NOMO3: variants seen among roughly 807,000 people sequenced by gnomAD.
NOMO3 encodes NODAL modulator 3, also known as BOS complex subunit NOMO3.
Under a neutral mutation model 69.9 loss-of-function variants are expected in NOMO3, and 15 were observed. The observed-to-expected ratio is 0.21, with a 90% CI of 0.14 to 0.33. The LOEUF (loss-of-function observed/expected upper bound fraction) is 0.33. Ranked by LOEUF, NOMO3 falls within the 10% of genes least tolerant of loss-of-function variation. NOMO3 has a pLI of 1.00. For missense variants in NOMO3, 218 were observed against 761.0 expected (o/e 0.29, Z 8.39); for synonymous variants, 89 against 301.9 (o/e 0.29, Z 7.31).
At chr16:16,244,339 G>T (rs1346366841) in intron 4 of NOMO3, among the ~76,000 whole-genome samples, 1 of 129,390 alleles carries the variant, frequency 7.7e-6, no homozygotes, top group Non-Finnish European at 1.6e-5. Context: ...TTTTGAGACA[G>T]AGTCTCGCTC....
rs1454496991 is a variant in NOMO3, at chr16:16,243,076, C to T, written c.302-85C>T. 6.3e-5 allele frequency: 47 copies of T among 744,474 alleles called. 3 individuals carry two copies. Among genetic ancestry groups the T allele is most frequent in the Admixed American group, 4.4e-4 (14 of 31,624 alleles). 46.1% of individuals were successfully genotyped at this position (744,474 alleles called of 1,614,324 possible). On this transcript the variant is annotated intron_variant, in intron 3 of 30. Transcript: ENST00000399336. ...AAATGAAACCTGAATAATAAAAATA[C>T]GTTCTACTTAGGTTCACTGTACCCC...
intron 8 of NOMO3, among the ~76,000 whole-genome samples, 164 bp from the exon 9 acceptor site, chr16:16,252,269 C>T (rs1234326526): frequency 7.0e-6 from 1 of 143,394 alleles, no homozygotes; most frequent in Admixed American, 6.7e-5. Flanking sequence ...GTAATAGCTA[C>T]AAAAAGGGCA....
At position 16,267,432 on chromosome 16, in the gene NOMO3, T is replaced by G. The variant is rs1166014456; in HGVS notation, c.1894+301T>G. On this transcript the variant is annotated intron_variant, in intron 16 of 30. Transcript: ENST00000399336. ...AGTGGCTTCTCGCTCTTTCTCATTT[T>G]TTTTTTCTCTTTCTTTTTTTGAGAT... 3 of 421,380 alleles carry G rather than the reference T, an allele frequency of 7.1e-6. No individual in the cohort carries two copies. In the African/African-American group the frequency reaches 7.4e-5, roughly 10 times the overall value. 26.1% of individuals were successfully genotyped at this position (421,380 alleles called of 1,614,324 possible). A position where few individuals can be genotyped will look rare whatever the true frequency, so the allele number is the denominator to read the frequency against.
chr16:16,256,146 T>C lies in NOMO3; in HGVS notation c.1208T>C (p.Ile403Thr), dbSNP rs368868365. Residue 403 changes from isoleucine to threonine, a missense_variant, in exon 11 of 31, where the codon ATT becomes ACT. Transcript: ENST00000399336. ...CCAAACACACCTCAGCTGGCTGACA[T>C]TGTTGCAACAGGGTAAGCTTATCGT... ...IAPNTPQLAD[I>T]VATGFSVCGQ... 9.6e-5 allele frequency: 152 copies of C among 1,587,928 alleles called. 6 individuals are homozygous for C. Among genetic ancestry groups the C allele is most frequent in the Non-Finnish European group, 1.2e-4 (144 of 1,174,888 alleles).
At chr16:16,237,791 C>G (rs1477031477) in intron 2 of NOMO3, among the ~76,000 whole-genome samples, 2 of 144,526 alleles carry the variant, frequency 1.4e-5, no homozygotes, top group African/African-American at 5.5e-5. Flanking sequence ...CTCAAGTGAA[C>G]CACCTGCCTC....
intron 6 of NOMO3, among the ~76,000 whole-genome samples, chr16:16,249,863 G>A (rs1256739021): frequency 1.4e-5 from 2 of 143,696 alleles, no homozygotes; most frequent in African/African-American, 2.8e-5. Context: ...CCTGTGCTGC[G>A]TGCTTAGAAT....
Position 16,265,668 on chromosome 16 carries a change from A to ATTTTTT in NOMO3, c.1806+490_1806+491insTTTTTT, listed in dbSNP as rs1462635090. ...TATATATATATATATATATATATAT[A>ATTTTTT]TATTTTTTTTTTTTTTTTTTTTTTT... On this transcript the variant is annotated intron_variant, in intron 15 of 30. Coordinates refer to ENST00000399336, the MANE Select transcript of NOMO3 (RefSeq NM_001004067.4). Among the ~76,000 whole-genome samples, 40 of 24,908 alleles carry ATTTTTT rather than the reference A, an allele frequency of 1.6e-3. 3 individuals are homozygous for ATTTTTT. The highest frequency in any genetic ancestry group is 3.7e-3 in the East Asian group (1 of 270). 16.3% of individuals were successfully genotyped at this position (24,908 alleles called of 152,430 possible).
rs1372406586 is a variant in NOMO3, at chr16:16,267,595, C to T, written c.1894+464C>T. Among the ~76,000 whole-genome samples, 22 of 139,640 alleles carry T rather than the reference C, an allele frequency of 1.6e-4. 2 individuals are homozygous for T. The highest frequency in any genetic ancestry group is 3.2e-3 in the Middle Eastern group (1 of 308). 91.6% of individuals were successfully genotyped at this position (139,640 alleles called of 152,430 possible). A position where few individuals can be genotyped will look rare whatever the true frequency, so the allele number is the denominator to read the frequency against. ...GATTACAGGTGCCCACCACCACATC[C>T]GGCTAATTTTTGTATTTTTAGTAGG... On this transcript the variant is annotated intron_variant, in intron 16 of 30. Coordinates refer to ENST00000399336, the MANE Select transcript of NOMO3 (RefSeq NM_001004067.4).
At chr16:16,242,000 C>T (rs2049377780) in intron 3 of NOMO3, among the ~76,000 whole-genome samples, 1 of 143,932 alleles carries the variant, frequency 6.9e-6, no homozygotes, top group African/African-American at 2.8e-5. Context: ...ACATCCTAAC[C>T]TACACTTGAT....
At chr16:16,252,209 G>T in intron 8 of NOMO3, 109 bp downstream of exon 8, 1 of 1,576,934 alleles carries the variant, frequency 6.3e-7, no homozygotes. Flanking sequence ...GCAGTTCTCT[G>T]AACATGCTGT....
At chr16:16,237,798 C>T (rs2049340054) in intron 2 of NOMO3, among the ~76,000 whole-genome samples, 1 of 144,624 alleles carries the variant, frequency 6.9e-6, no homozygotes, top group Non-Finnish European at 1.5e-5. Flanking sequence ...GAACCACCTG[C>T]CTCAGCCTCC....
rs1016521045 is a variant in NOMO3, at chr16:16,240,596, G to C, written c.301+700G>C. Among the ~76,000 whole-genome samples, 12 of 144,700 alleles carry C rather than the reference G, an allele frequency of 8.3e-5. 2 individuals carry two copies. Among genetic ancestry groups the C allele is most frequent in the African/African-American group, 3.3e-4 (12 of 36,324 alleles). 94.9% of individuals were successfully genotyped at this position (144,700 alleles called of 152,430 possible). ...ATATAACTGCCTTCAAGCATAGCTG[G>C]GGAGTTGGGGATGGGGTTGAGATCA... On this transcript the variant is annotated intron_variant, in intron 3 of 30. Coordinates refer to ENST00000399336, the MANE Select transcript of NOMO3 (RefSeq NM_001004067.4).
chr16:16,263,023 G>A lies in NOMO3; in HGVS notation c.1396-51G>A, dbSNP rs771751252. ...ATGTTCTAGCGCCCTGTAGGTCAGG[G>A]GGAAGATCTCCCCGAATGCAGCCTC... On this transcript the variant is annotated intron_variant, in intron 12 of 30. Coordinates refer to ENST00000399336, the MANE Select transcript of NOMO3 (RefSeq NM_001004067.4). 23 of 1,587,154 alleles carry A rather than the reference G, an allele frequency of 1.4e-5. 1 individual carries two copies. In the East Asian group the frequency reaches 4.1e-4, roughly 29 times the overall value.
At chr16:16,235,453 T>G (rs1301350633) in intron 1 of NOMO3, among the ~76,000 whole-genome samples, 1 of 149,138 alleles carries the variant, frequency 6.7e-6, no homozygotes, top group Non-Finnish European at 1.5e-5. Flanking sequence ...TTACACTGTG[T>G]TGCCTTTTTC....
rs562780589 is a variant in NOMO3 at position 16,255,006 on chromosome 16, G to A, written c.964-714G>A. Reference sequence around the variant, plus strand: ...TGGCTCACTGCAACCTCTGCATCCCGAGTTGAAGTGATTCTCCTGCCTCAG... The same window carrying A: ...TGGCTCACTGCAACCTCTGCATCCCAAGTTGAAGTGATTCTCCTGCCTCAG... On this transcript the variant is annotated intron_variant, in intron 9 of 30. Transcript: ENST00000399336. Among the ~76,000 whole-genome samples the A allele has an allele frequency of 4.2e-5, 6 of 143,950 alleles. 1 individual carries two copies. Among genetic ancestry groups the A allele is most frequent in the South Asian group, 2.2e-4 (1 of 4,564 alleles). 94.4% of individuals were successfully genotyped at this position (143,950 alleles called of 152,430 possible). A position where few individuals can be genotyped will look rare whatever the true frequency, so the allele number is the denominator to read the frequency against.
At chr16:16,270,292 G>A (rs1304533464) in intron 17 of NOMO3, 108 bp downstream of exon 17, 4 of 1,572,754 alleles carry the variant, frequency 2.5e-6, no homozygotes, top group Non-Finnish European at 2.6e-6. Flanking sequence ...TCTGAAAGAG[G>A]CAAGGTTAGG....
At chr16:16,243,991 A>G (rs1471829001) in intron 4 of NOMO3, among the ~76,000 whole-genome samples, 1 of 144,040 alleles carries the variant, frequency 6.9e-6, no homozygotes, top group Non-Finnish European at 1.5e-5. Flanking sequence ...GATTCCTATT[A>G]TTTAAGTTCT....
At position 16,270,198 on chromosome 16, in the gene NOMO3, T is replaced by C. The variant is rs370838309; in HGVS notation, c.1958+14T>C. On this transcript the variant is annotated intron_variant, in intron 17 of 30. Coordinates refer to ENST00000399336, the MANE Select transcript of NOMO3 (RefSeq NM_001004067.4). ...CACCTATGACACGTAAGCCTGGGAA[T>C]TGAATGCTTTGTGGTGTTTGTATAC... 1.5e-5 allele frequency: 24 copies of C among 1,554,772 alleles called. 3 individuals carry two copies. The African/African-American group carries it at 2.6e-4, about 17-fold the overall frequency.
Position 16,265,149 on chromosome 16 carries a change from G to A in NOMO3, c.1776G>A (p.Leu592=), listed in dbSNP as rs375667439. ...AVEFRQTGYM[L]RCSLSHAITL... The stretch of plus-strand genomic sequence containing the variant: ...AGTTCAGGCAGACGGGCTACATGCT[G>A]AGATGTTCCCTGTCTCACGCCATCA... The change falls in exon 15 of 31, where the codon CTG becomes CTA. Residue 592 remains leucine, a synonymous_variant. Coordinates refer to ENST00000399336, the MANE Select transcript of NOMO3 (RefSeq NM_001004067.4). 3.9e-4 allele frequency: 616 copies of A among 1,585,724 alleles called. 94 individuals carry two copies. In the African/African-American group the frequency reaches 9.6e-3, roughly 25 times the overall value.
Sources: gnomAD v4.1 joint callset for allele counts (sites outside exome capture counted in the v4.1 genomes callset) on GRCh38, gnomAD v4.1.1 for gene constraint, MANE v1.5 for transcripts, NCBI Gene and HGNC (gene_info 2026-07-23, HGNC 2026-07-21) for gene names.